The following TBC1D31 variants were observed in gnomAD, a reference collection of about 807,000 sequenced individuals.
TBC1D31 encodes WD repeat domain 67.
TBC1D31 carries 99 observed loss-of-function variants against 132.9 expected under a neutral mutation model. That is an observed-to-expected ratio of 0.74 (90% CI 0.63 to 0.88). The LOEUF (loss-of-function observed/expected upper bound fraction) is 0.88. Ranked by LOEUF, TBC1D31 falls within the 40% of genes least tolerant of loss-of-function variation. The pLI is 0.00. For synonymous variants in TBC1D31, 385 were observed against 419.4 expected (o/e 0.92, Z 1.00); for missense variants, 1,134 against 1,256.6 (o/e 0.90, Z 1.48).
chr8:123,145,272 G>A (rs1822085458), intron 20 of TBC1D31, among the ~76,000 whole-genome samples: 1 of 152,148 alleles, frequency 6.6e-6, no homozygotes, highest in South Asian at 2.1e-4. Context: ...TCAATCTACT[G>A]CTCAAGTAAA....
intron 5 of TBC1D31, among the ~76,000 whole-genome samples, chr8:123,095,005 C>CT (rs1425467059): frequency 4.0e-5 from 6 of 151,436 alleles, no homozygotes; most frequent in East Asian, 1.9e-4. Flanking sequence ...ATATATTCGT[C>CT]TTTTTTTTTC....
chr8:123,112,983 C>T (rs1489035275), intron 10 of TBC1D31, among the ~76,000 whole-genome samples: 3 of 151,976 alleles, frequency 2.0e-5, no homozygotes, highest in Admixed American at 6.6e-5. Flanking sequence ...GGTTGAGAGC[C>T]GTAAATATCT....
intron 10 of TBC1D31, among the ~76,000 whole-genome samples, chr8:123,113,147 C>G (rs1818602956): frequency 6.6e-6 from 1 of 152,052 alleles, no homozygotes; most frequent in Admixed American, 6.6e-5. Flanking sequence ...TCTGTTGACC[C>G]CCTCACTGTA....
chr8:123,078,259 G>A (rs1814753844), intron 2 of TBC1D31, among the ~76,000 whole-genome samples: 2 of 152,004 alleles, frequency 1.3e-5, no homozygotes, highest in Admixed American at 1.3e-4. Context: ...TTAATACAGG[G>A]GGCTTTGATC....
At chr8:123,102,016 G>A (rs955861819) in intron 7 of TBC1D31, among the ~76,000 whole-genome samples, 11 of 151,916 alleles carry the variant, frequency 7.2e-5, no homozygotes, top group Admixed American at 5.3e-4. Context: ...TTATTTCCTC[G>A]AACTTATAGC....
intron 10 of TBC1D31, among the ~76,000 whole-genome samples, chr8:123,119,087 T>C (rs781204880): frequency 1.3e-4 from 20 of 152,196 alleles, no homozygotes; most frequent in Non-Finnish European, 2.5e-4. Flanking sequence ...GTAATGCCAA[T>C]TGGAACTACG....
At chr8:123,142,746 C>T (rs2130917287) in intron 19 of TBC1D31, among the ~76,000 whole-genome samples, 1 of 152,252 alleles carries the variant, frequency 6.6e-6, no homozygotes, top group Non-Finnish European at 1.5e-5. Context: ...GAGACGTCGT[C>T]TAATATTGAT....
the TBC1D31 span, among the ~76,000 whole-genome samples, chr8:123,158,271 T>TA: frequency 7.4e-4 from 112 of 151,416 alleles, 1 homozygote; most frequent in East Asian, 4.1e-3. Context: ...ACTATTATAA[T>TA]AAAAAAAAAG....
At chr8:123,161,276 C>A in the TBC1D31 span, among the ~76,000 whole-genome samples, 1 of 152,218 alleles carries the variant, frequency 6.6e-6, no homozygotes, top group Non-Finnish European at 1.5e-5. Context: ...CTACGTCAGC[C>A]GGGTCGGAGG....
At chr8:123,130,751 AGCTGGGATTACAGGT>A (rs892110582) in intron 16 of TBC1D31, among the ~76,000 whole-genome samples, 1 of 150,582 alleles carries the variant, frequency 6.6e-6, no homozygotes, top group African/African-American at 2.4e-5. Flanking sequence ...CCTCCCAAGT[AGCTGGGATTACAGGT>A]GCACGCCACC....
chr8:123,116,843 A>T (rs1818963201), intron 10 of TBC1D31, among the ~76,000 whole-genome samples: 1 of 152,242 alleles, frequency 6.6e-6, no homozygotes, highest in Non-Finnish European at 1.5e-5. Context: ...AATAAAATAA[A>T]TATCCATGAG....
At chr8:123,110,088 C>T (rs1818303317) in intron 10 of TBC1D31, among the ~76,000 whole-genome samples, 1 of 152,086 alleles carries the variant, frequency 6.6e-6, no homozygotes, top group African/African-American at 2.4e-5. Context: ...GGCAAGACTC[C>T]ATCTCAGAAA....
chr8:123,102,098 T>G, intron 7 of TBC1D31: 1 of 379,292 alleles, frequency 2.6e-6, no homozygotes, highest in Non-Finnish European at 5.3e-6. Context: ...TTCACGAAAA[T>G]GCATGCCTCA....
At chr8:123,118,303 A>G (rs1409402007) in intron 10 of TBC1D31, among the ~76,000 whole-genome samples, 4 of 152,212 alleles carry the variant, frequency 2.6e-5, no homozygotes, top group Non-Finnish European at 4.4e-5. Context: ...TCATTGTACT[A>G]TTTGCAAGCT....
chr8:123,158,172 T>G, the TBC1D31 span, among the ~76,000 whole-genome samples: 1 of 151,944 alleles, frequency 6.6e-6, no homozygotes, highest in African/African-American at 2.4e-5. Flanking sequence ...TTACCTACAT[T>G]ATTGCTAAAG....
At chr8:123,157,278 G>A in the TBC1D31 span, among the ~76,000 whole-genome samples, 1 of 152,156 alleles carries the variant, frequency 6.6e-6, no homozygotes, top group African/African-American at 2.4e-5. Flanking sequence ...TGAGACTGAC[G>A]CGCTACCTAC....
intron 10 of TBC1D31, among the ~76,000 whole-genome samples, chr8:123,111,968 C>T (rs942862196): frequency 2.6e-5 from 4 of 152,180 alleles, no homozygotes; most frequent in African/African-American, 9.6e-5. Flanking sequence ...ATCCTCCCCC[C>T]TTAGCCTCCC....
In TBC1D31 at chr8:123,109,557, C is replaced by T. The variant is rs778590249; in HGVS notation, c.1373C>T (p.Ala458Val). The change falls in exon 10 of 22, where the codon GCA becomes GTA. Residue 458 changes from alanine (A) to valine (V), a missense_variant. Transcript: ENST00000287380. ...CTCATAGATAAGGGGACTCATGTGG[C>T]ATTTCTCAACCTTCAGAAGAAATAC... is the stretch of plus-strand genomic sequence containing the variant. ...STLIDKGTHV[A>V]FLNLQKKYPI... 1.5e-4 allele frequency: 234 copies of T among 1,613,568 alleles called. No individual in the cohort carries two copies. The highest frequency in any genetic ancestry group is 1.9e-4 in the Non-Finnish European group (227 of 1,179,706).
At chr8:123,145,383 G>A (rs7002086) in intron 20 of TBC1D31, among the ~76,000 whole-genome samples, 44,908 of 152,002 alleles carry the variant, frequency 0.3, 6,905 homozygotes, top group African/African-American at 0.36. Flanking sequence ...TGTGCAGACT[G>A]TCCTGTGGAG....
Sources: allele counts gnomAD v4.1 joint callset (sites outside exome capture counted in the v4.1 genomes callset), GRCh38; gene constraint gnomAD v4.1.1; transcripts MANE v1.5; gene names NCBI Gene and HGNC (gene_info 2026-07-23, HGNC 2026-07-21).